The following CDH13 variants were observed in gnomAD, a reference collection of about 807,000 sequenced individuals.
CDH13 encodes cadherin-13.
A neutral mutation model predicts 63.8 loss-of-function variants in CDH13; 24 were observed. The ratio of observed to expected loss-of-function variants is 0.38; its 90% CI spans 0.27 to 0.53. The LOEUF (loss-of-function observed/expected upper bound fraction) is 0.53. CDH13 is among the 20% of genes least tolerant of loss of function. The pLI is 0.85. For synonymous variants in CDH13, 503 were observed against 355.3 expected, an observed-to-expected ratio of 1.42 and a Z score of -4.67; for missense variants, 1,049 against 903.1, an observed-to-expected ratio of 1.16 and a Z score of -2.07.
chr16:83,425,358 G>A (rs2071859967), intron 6 of CDH13, among the ~76,000 whole-genome samples: 2 of 152,238 alleles, frequency 1.3e-5, no homozygotes, highest in African/African-American at 4.8e-5. Flanking sequence ...CGAGGAAGGA[G>A]AGCCCAGTTC....
rs1917861629 is a variant in CDH13 at position 83,047,108 on chromosome 16, T to G, written c.366+14890T>G. 6.6e-6 allele frequency among the ~76,000 whole-genome samples: 1 copy of G among 152,152 alleles called. No individual in the cohort carries two copies. The highest frequency in any genetic ancestry group is 2.4e-5 in the African/African-American group (1 of 41,428). ...TGACAGCAACTTTTTACAACTTCCT[T>G]CCTTTGAAGATATAAAGCTTTAAAC... On this transcript the variant is annotated intron_variant, in intron 3 of 13. Transcript: ENST00000567109. This position sits in a 1 kb window ranked among gnomAD's most constrained non-coding sequence, Gnocchi z 4.9.
intron 12 of CDH13, among the ~76,000 whole-genome samples, chr16:83,783,021 C>T (rs1340634336): frequency 6.6e-6 from 1 of 152,170 alleles, no homozygotes; most frequent in Non-Finnish European, 1.5e-5. Flanking sequence ...CTGTGTTGTT[C>T]ATTACAGGAG....
At chr16:83,262,862 C>A (rs1907154221) in intron 5 of CDH13, among the ~76,000 whole-genome samples, 1 of 152,052 alleles carries the variant, frequency 6.6e-6, no homozygotes, top group Non-Finnish European at 1.5e-5. Context: ...CTATTTGGAC[C>A]ACCAATTGAG....
chr16:83,333,330 A>G (rs369159058), intron 5 of CDH13, among the ~76,000 whole-genome samples: 274 of 152,326 alleles, frequency 1.8e-3, no homozygotes, highest in Non-Finnish European at 3.2e-3. Flanking sequence ...TGAATCTAGT[A>G]TACTGCATCC....
intron 2 of CDH13, among the ~76,000 whole-genome samples, chr16:83,009,993 G>A (rs1343622605): frequency 6.6e-6 from 1 of 151,910 alleles, no homozygotes; most frequent in Non-Finnish European, 1.5e-5. Flanking sequence ...AAATTAGCTG[G>A]GCATGGCGGC....
At chr16:82,908,150 C>T (rs948648854) in intron 2 of CDH13, among the ~76,000 whole-genome samples, 1 of 151,950 alleles carries the variant, frequency 6.6e-6, no homozygotes, top group Non-Finnish European at 1.5e-5. Flanking sequence ...AGGCAGAAGA[C>T]AGGTATGTTT....
At position 82,693,580 on chromosome 16, in the gene CDH13, G is replaced by A. The variant is rs2029900246; in HGVS notation, c.45+66443G>A. 2.6e-5 allele frequency among the ~76,000 whole-genome samples: 4 copies of A among 152,176 alleles called. No homozygotes were observed. In the South Asian group the frequency reaches 8.3e-4, roughly 32 times the overall value. On this transcript the variant is annotated intron_variant, in intron 1 of 13. Coordinates refer to ENST00000567109, the MANE Select transcript of CDH13 (RefSeq NM_001257.5). ...TTTTCCTACATTAAACCCTGTATAAGAACCTCCAAGTAGACACTTATGCAA... is the reference window on the plus strand; with the variant it reads ...TTTTCCTACATTAAACCCTGTATAAAAACCTCCAAGTAGACACTTATGCAA...
At chr16:83,543,930 A>G (rs1206568086) in intron 7 of CDH13, among the ~76,000 whole-genome samples, 1 of 152,216 alleles carries the variant, frequency 6.6e-6, no homozygotes, top group East Asian at 1.9e-4. Context: ...CCACCCCATC[A>G]GTGACACTTG....
intron 1 of CDH13, among the ~76,000 whole-genome samples, chr16:82,810,192 T>A (rs2037372231): frequency 6.6e-6 from 1 of 152,234 alleles, no homozygotes; most frequent in African/African-American, 2.4e-5. Flanking sequence ...ACATTTTGAA[T>A]CTGTAGGCAA....
At chr16:83,352,906 A>AAATG (rs1186170983) in intron 6 of CDH13, among the ~76,000 whole-genome samples, 1 of 152,208 alleles carries the variant, frequency 6.6e-6, no homozygotes, top group African/African-American at 2.4e-5. Flanking sequence ...ATAAATAAAT[A>AAATG]AATAAAGTAT....
intron 2 of CDH13, among the ~76,000 whole-genome samples, chr16:82,931,999 C>T (rs1209261782): frequency 6.6e-6 from 1 of 152,016 alleles, no homozygotes; most frequent in African/African-American, 2.4e-5. Flanking sequence ...AAGGGGGGCA[C>T]AGTTAAGACC....
intron 6 of CDH13, among the ~76,000 whole-genome samples, chr16:83,451,921 G>A (rs2072897514): frequency 2.0e-5 from 3 of 152,142 alleles, no homozygotes; most frequent in Non-Finnish European, 4.4e-5. Flanking sequence ...CAGTGCATCT[G>A]GTATGTGTGT....
chr16:83,191,000 T>C (rs952068273), intron 4 of CDH13, among the ~76,000 whole-genome samples: 3 of 151,904 alleles, frequency 2.0e-5, no homozygotes, highest in Non-Finnish European at 4.4e-5. Context: ...ATGTTCTTAT[T>C]TGGTTAAACT....
intron 2 of CDH13, among the ~76,000 whole-genome samples, chr16:83,013,997 G>A (rs956188894): frequency 6.6e-6 from 1 of 151,998 alleles, no homozygotes; most frequent in Non-Finnish European, 1.5e-5. Context: ...CATATAACAG[G>A]CCTTTGCTAA....
intron 6 of CDH13, among the ~76,000 whole-genome samples, chr16:83,433,598 T>C (rs2072195259): frequency 2.0e-5 from 3 of 151,954 alleles, no homozygotes; most frequent in Non-Finnish European, 4.4e-5. Flanking sequence ...GGGATGAGGG[T>C]GGTTTCTCCT....
chr16:83,788,744 T>C (rs868852841), intron 13 of CDH13, among the ~76,000 whole-genome samples: 52 of 152,338 alleles, frequency 3.4e-4, no homozygotes, highest in African/African-American at 1.2e-3. Context: ...ATGTGCTTTA[T>C]GTGCTCGTCT....
chr16:82,961,404 G>T (rs1906965232), intron 2 of CDH13, among the ~76,000 whole-genome samples: 1 of 152,022 alleles, frequency 6.6e-6, no homozygotes, highest in African/African-American at 2.4e-5. Flanking sequence ...TTTTCTTTAG[G>T]CTTCTTTCCA....
At chr16:83,251,428 A>G (rs187616889) in intron 5 of CDH13, among the ~76,000 whole-genome samples, 23 of 152,250 alleles carry the variant, frequency 1.5e-4, no homozygotes, top group African/African-American at 5.5e-4. Flanking sequence ...AAATTAAGGG[A>G]TTTGCACAGT....
chr16:83,425,852 AT>A (rs1228994327), intron 6 of CDH13, among the ~76,000 whole-genome samples: 1 of 151,128 alleles, frequency 6.6e-6, no homozygotes, highest in Non-Finnish European at 1.5e-5. Flanking sequence ...TTCAACAATT[AT>A]TTATAAGGGA....
Sources: allele counts gnomAD v4.1 joint callset (sites outside exome capture counted in the v4.1 genomes callset), GRCh38; gene constraint gnomAD v4.1.1; non-coding constraint Gnocchi (gnomAD v3.1); transcripts MANE v1.5; gene names NCBI Gene and HGNC (gene_info 2026-07-23, HGNC 2026-07-21).